Variants in NRXN3 observed in about 807,000 individuals in gnomAD.
The protein encoded by NRXN3 is neurexin 3.
NRXN3 carries 32 observed loss-of-function variants against 137.6 expected under a neutral mutation model. That is an observed-to-expected ratio of 0.23 (90% CI 0.18 to 0.31). The LOEUF (loss-of-function observed/expected upper bound fraction) is 0.31. Ranked by LOEUF, NRXN3 falls within the 10% of genes least tolerant of loss-of-function variation. The pLI is 1.00. For synonymous variants in NRXN3, 798 were observed against 784.5 expected (o/e 1.02, Z -0.29); for missense variants, 1,574 against 2,062.5 (o/e 0.76, Z 4.59).
intron 8 of NRXN3, among the ~76,000 whole-genome samples, chr14:78,747,192 G>A (rs74066431): frequency 3.2e-4 from 49 of 152,274 alleles, no homozygotes; most frequent in African/African-American, 9.9e-4. Context: ...AGTGTTGTTC[G>A]TGAACTTCGG....
At chr14:78,609,900 C>T (rs991160107) in intron 4 of NRXN3, among the ~76,000 whole-genome samples, 3 of 152,070 alleles carry the variant, frequency 2.0e-5, no homozygotes, top group African/African-American at 4.8e-5. Flanking sequence ...TCTTGGAAAA[C>T]GTTTACCTCA....
At chr14:78,743,241 TC>T (rs746766270) in intron 8 of NRXN3, among the ~76,000 whole-genome samples, 1 of 152,244 alleles carries the variant, frequency 6.6e-6, no homozygotes, top group Non-Finnish European at 1.5e-5. Flanking sequence ...TCTACTTTGT[TC>T]ATAGTAGTTA....
chr14:79,183,279 A>T (rs1256392282), intron 15 of NRXN3, among the ~76,000 whole-genome samples: 1 of 152,148 alleles, frequency 6.6e-6, no homozygotes, highest in African/African-American at 2.4e-5. Context: ...TCAGTTTTTC[A>T]TGTGTTATAG....
chr14:79,145,754 C>G (rs993580826), intron 15 of NRXN3, among the ~76,000 whole-genome samples: 1 of 152,200 alleles, frequency 6.6e-6, no homozygotes, highest in Non-Finnish European at 1.5e-5. Context: ...TGGGATCACA[C>G]TTATATACCT....
Position 78,838,701 on chromosome 14 carries a change from G to T in NRXN3, c.2275+28357G>T, listed in dbSNP as rs144751863. On this transcript the variant is annotated intron_variant, in intron 10 of 20. Transcript: ENST00000335750. The stretch of plus-strand genomic sequence containing the variant: ...TTTGGCCAAGGAGAGTAAAGGAAAA[G>T]CTTGTCTTTCTTGCCTAGAAGTTTA... Among the ~76,000 whole-genome samples the T allele has an allele frequency of 1.2e-4, 19 of 152,228 alleles. No homozygotes were observed. In the East Asian group the frequency reaches 3.3e-3, roughly 26 times the overall value.
At chr14:79,573,553 C>A (rs2097633633) in intron 16 of NRXN3, among the ~76,000 whole-genome samples, 1 of 152,028 alleles carries the variant, frequency 6.6e-6, no homozygotes, top group Non-Finnish European at 1.5e-5. Flanking sequence ...TCCAGCCTGA[C>A]TTGCTCTGTT....
At chr14:79,082,697 C>T (rs2047300444) in intron 15 of NRXN3, among the ~76,000 whole-genome samples, 1 of 152,058 alleles carries the variant, frequency 6.6e-6, no homozygotes. Flanking sequence ...CTTTTTCCAC[C>T]TTATCATGCA....
chr14:79,770,753 A>G (rs1383782882), intron 19 of NRXN3, among the ~76,000 whole-genome samples: 1 of 151,232 alleles, frequency 6.6e-6, no homozygotes, highest in Admixed American at 6.6e-5. Context: ...AAGCTACCAG[A>G]AGGCAAGAAA....
At chr14:79,480,741 C>T (rs1458641537) in intron 16 of NRXN3, among the ~76,000 whole-genome samples, 5 of 151,944 alleles carry the variant, frequency 3.3e-5, no homozygotes, top group Admixed American at 2.0e-4. Flanking sequence ...GGTTTAGCAC[C>T]GTCCCCCTAG....
In NRXN3 at chr14:79,703,004, A is replaced by G. The variant is rs1320277837; in HGVS notation, c.4014+5067A>G. Among the ~76,000 whole-genome samples the G allele has an allele frequency of 2.6e-5, 4 of 152,018 alleles. No individual in the cohort carries two copies. The East Asian group carries it at 5.8e-4, about 22-fold the overall frequency. ...ATAAACTATTTGCAGGATACTGATC[A>G]TGACATACTTTTTCTGTGTTGGGCA... On this transcript the variant is annotated intron_variant, in intron 19 of 20. Coordinates refer to ENST00000335750, the MANE Select transcript of NRXN3 (RefSeq NM_001330195.2).
chr14:78,722,588 A>T (rs1439158815), intron 8 of NRXN3, among the ~76,000 whole-genome samples: 1 of 152,204 alleles, frequency 6.6e-6, no homozygotes, highest in Non-Finnish European at 1.5e-5. Context: ...ATTTATTGAA[A>T]AAAATGATGT....
intron 16 of NRXN3, among the ~76,000 whole-genome samples, chr14:79,496,250 C>CACAG (rs2096766278): frequency 6.9e-6 from 1 of 145,648 alleles, no homozygotes; most frequent in African/African-American, 2.7e-5. Flanking sequence ...CACACACACA[C>CACAG]ACACAGACAC....
chr14:78,694,358 G>T lies in NRXN3; in HGVS notation c.1222-14859G>T, dbSNP rs548168211. Among the ~76,000 whole-genome samples the T allele has an allele frequency of 3.2e-4, 48 of 151,948 alleles. 2 individuals carry two copies. The highest frequency in any genetic ancestry group is 1.1e-3 in the African/African-American group (47 of 41,438). On this transcript the variant is annotated intron_variant, in intron 6 of 20. Transcript: ENST00000335750. ...ATAGAGTAAGTTATTTTAGGGAAGG[G>T]CCAATGACTCTTTTCTGCTTGTAGG...
intron 16 of NRXN3, among the ~76,000 whole-genome samples, chr14:79,470,192 G>A (rs2096482450): frequency 1.3e-5 from 2 of 152,022 alleles, no homozygotes; most frequent in Non-Finnish European, 2.9e-5. Context: ...AAACCTCCTG[G>A]GAAAAAGAAA....
At chr14:79,754,666 TC>T (rs1353940634) in intron 19 of NRXN3, among the ~76,000 whole-genome samples, 1 of 151,474 alleles carries the variant, frequency 6.6e-6, no homozygotes, top group Non-Finnish European at 1.5e-5. Context: ...TTCAAATGTT[TC>T]AACTGGCCCC....
At chr14:79,650,418 T>A (rs538823182) in intron 16 of NRXN3, among the ~76,000 whole-genome samples, 1 of 152,310 alleles carries the variant, frequency 6.6e-6, no homozygotes, top group East Asian at 1.9e-4. Context: ...TTTTTTTAAA[T>A]TGTTATTAGA....
intron 15 of NRXN3, among the ~76,000 whole-genome samples, chr14:79,252,328 T>C (rs565287420): frequency 6.6e-6 from 1 of 152,314 alleles, no homozygotes; most frequent in East Asian, 1.9e-4. Context: ...GCCTTACAAC[T>C]GGAATCTATT....
At chr14:78,232,950 C>T (rs1274727133) in intron 1 of NRXN3, among the ~76,000 whole-genome samples, 4 of 152,158 alleles carry the variant, frequency 2.6e-5, no homozygotes. Flanking sequence ...AGCCTGTTGG[C>T]ACCTTACAAG....
intron 15 of NRXN3, among the ~76,000 whole-genome samples, chr14:79,405,305 C>T (rs1424412744): frequency 6.6e-6 from 1 of 152,098 alleles, no homozygotes; most frequent in African/African-American, 2.4e-5. Context: ...TGGGGATGTG[C>T]TATCATCGCT....
Sources: allele counts gnomAD v4.1 joint callset (sites outside exome capture counted in the v4.1 genomes callset), GRCh38; gene constraint gnomAD v4.1.1; transcripts MANE v1.5; gene names NCBI Gene and HGNC (gene_info 2026-07-23, HGNC 2026-07-21).